The following C1GALT1 variants were observed in gnomAD, a reference collection of about 807,000 sequenced individuals.
C1GALT1 encodes core 1 synthase, glycoprotein-N-acetylgalactosamine 3-beta-galactosyltransferase 1.
In C1GALT1, 11 loss-of-function variants were observed where a neutral mutation model predicts 31.0. The ratio of observed to expected loss-of-function variants is 0.36; its 90% CI spans 0.22 to 0.59. C1GALT1 has a LOEUF of 0.59. Ranked by LOEUF, C1GALT1 falls within the 20% of genes least tolerant of loss-of-function variation. The pLI is 0.79. For missense variants in C1GALT1, 424 were observed against 425.2 expected (o/e 1.00, Z 0.03); for synonymous variants, 175 against 143.6 (o/e 1.22, Z -1.56).
chr7:7,200,206 G>T lies in C1GALT1; in HGVS notation c.-18+17386G>T, dbSNP rs188543691. ...GTTGTTCCTTTCCATGTTTAGTGCTGCCTTCAGGAGCTCTTGTAAGGCAGG... is the reference window on the plus strand; with the variant it reads ...GTTGTTCCTTTCCATGTTTAGTGCTTCCTTCAGGAGCTCTTGTAAGGCAGG... On this transcript the variant is annotated intron_variant, in intron 1 of 3. Coordinates refer to ENST00000436587, the MANE Select transcript of C1GALT1 (RefSeq NM_020156.5). 5.2e-3 allele frequency among the ~76,000 whole-genome samples: 798 copies of T among 152,234 alleles called. 2 individuals carry two copies. Among genetic ancestry groups the T allele is most frequent in the African/African-American group, 0.018 (736 of 41,548 alleles).
At chr7:7,221,768 C>T (rs1782519592) in intron 1 of C1GALT1, among the ~76,000 whole-genome samples, 1 of 152,202 alleles carries the variant, frequency 6.6e-6, no homozygotes, top group Non-Finnish European at 1.5e-5. Flanking sequence ...GCCTGTGTTT[C>T]CTTCCTGCTG....
chr7:7,234,516 A>T lies in C1GALT1; in HGVS notation c.197A>T (p.Asn66Ile). Residue 66 changes from asparagine (N) to isoleucine (I), a missense_variant, in exon 2 of 4, where the codon AAT becomes ATT. Transcript: ENST00000436587. ...CATCTAGAAGGACAAATGAACTTCA[A>T]TGCAGATTCTAGCCAACATAAAGGT... ...QNHLEGQMNF[N>I]ADSSQHKDEN... The T allele has an allele frequency of 6.2e-7, 1 of 1,611,900 alleles. No individual in the cohort carries two copies. Among genetic ancestry groups the T allele is most frequent in the Non-Finnish European group, 8.5e-7 (1 of 1,178,072 alleles).
rs1173036435 is a variant in C1GALT1 at position 7,246,439 on chromosome 7, TTCTCAC to T, written c.*2713_*2718del. The T allele has an allele frequency of 6.6e-6, 1 of 152,192 alleles. No homozygotes were observed. The highest frequency in any genetic ancestry group is 1.9e-4 in the East Asian group (1 of 5,200). The allele number at this position is 152,192 out of a possible 1,614,324, so 9.4% of individuals were successfully genotyped here. A position where few individuals can be genotyped will look rare whatever the true frequency, so the allele number is the denominator to read the frequency against. On this transcript the variant is annotated 3_prime_UTR_variant, in exon 4 of 4. Transcript: ENST00000436587. ...TGTCACAGTGATTCTTAAACTGTGG[TTCTCAC>T]ACTTGCCCAGGATGTTGTTAAATGC... is the stretch of plus-strand genomic sequence containing the variant.
intron 1 of C1GALT1, among the ~76,000 whole-genome samples, chr7:7,219,504 T>A (rs1782409570): frequency 6.6e-6 from 1 of 152,182 alleles, no homozygotes; most frequent in African/African-American, 2.4e-5. Context: ...CTAAAACTAC[T>A]CTGAAAAAAA....
chr7:7,229,629 A>G (rs1583821105), intron 1 of C1GALT1, among the ~76,000 whole-genome samples: 2 of 152,188 alleles, frequency 1.3e-5, no homozygotes, highest in African/African-American at 4.8e-5. Context: ...AGCAAGGTCT[A>G]ATGAACTGGT....
At chr7:7,190,111 G>A (rs181322959) in intron 1 of C1GALT1, among the ~76,000 whole-genome samples, 9 of 151,920 alleles carry the variant, frequency 5.9e-5, no homozygotes, top group Non-Finnish European at 4.4e-5. Context: ...CAGTGAAGGA[G>A]ACTTGCACAG....
chr7:7,238,679 A>C lies in C1GALT1; in HGVS notation c.645A>C (p.Leu215=). The C allele has an allele frequency of 6.8e-6, 11 of 1,614,084 alleles. No homozygotes were observed. Among genetic ancestry groups the C allele is most frequent in the Non-Finnish European group, 9.3e-6 (11 of 1,179,950 alleles). Residue 215 remains leucine (L), a synonymous_variant, in exon 3 of 4, where the codon CTA becomes CTC. Coordinates refer to ENST00000436587, the MANE Select transcript of C1GALT1 (RefSeq NM_020156.5). This position sits in a 1 kb window ranked among gnomAD's most constrained non-coding sequence, Gnocchi z 5.2. The part of the protein sequence containing the change: ...GYMSGGAGYV[L]SKEALKRFVD... ...TGAGTGGAGGAGCAGGATATGTACTAAGCAAAGAAGCCTTGAAAAGATTTG... is the reference window on the plus strand; with the variant it reads ...TGAGTGGAGGAGCAGGATATGTACTCAGCAAAGAAGCCTTGAAAAGATTTG...
At chr7:7,185,719 A>G (rs946469763) in intron 1 of C1GALT1, among the ~76,000 whole-genome samples, 2 of 152,212 alleles carry the variant, frequency 1.3e-5, no homozygotes, top group African/African-American at 4.8e-5. Context: ...ACTTGATTAC[A>G]TCTGCAAAGA....
At chr7:7,179,930 C>G (rs1487850633), upstream of C1GALT1, among the ~76,000 whole-genome samples, 1 of 151,584 alleles carries the variant, frequency 6.6e-6, no homozygotes, top group African/African-American at 2.4e-5. Context: ...TAAAGCTTTC[C>G]TTGAGTCTCC....
intron 1 of C1GALT1, 165 bp from the exon 2 acceptor site, chr7:7,234,138 C>T: frequency 1.6e-6 from 1 of 607,168 alleles, no homozygotes; most frequent in Non-Finnish European, 2.9e-6. Flanking sequence ...ATGGATTTTC[C>T]ATAATGTGCT....
chr7:7,237,284 G>C (rs768311499), intron 2 of C1GALT1, among the ~76,000 whole-genome samples: 1 of 152,094 alleles, frequency 6.6e-6, no homozygotes, highest in African/African-American at 2.4e-5. Context: ...CTCTGTACCG[G>C]TGCTACTCAA....
upstream of C1GALT1, chr7:7,177,846 A>T (rs1448650956): frequency 6.5e-6 from 1 of 152,672 alleles, no homozygotes; most frequent in African/African-American, 2.4e-5. Flanking sequence ...AAGCATATTT[A>T]CATATAATCT....
chr7:7,225,927 G>T (rs1013725190), intron 1 of C1GALT1, among the ~76,000 whole-genome samples: 7 of 152,162 alleles, frequency 4.6e-5, no homozygotes, highest in Non-Finnish European at 1.0e-4. Context: ...CTATAGGTGC[G>T]AGAGTGGTGT....
At chr7:7,241,573 G>A (rs1179414837) in intron 3 of C1GALT1, among the ~76,000 whole-genome samples, 3 of 151,854 alleles carry the variant, frequency 2.0e-5, no homozygotes, top group Non-Finnish European at 4.4e-5. Flanking sequence ...TCACCTTTTA[G>A]GTCCTTTGGT....
chr7:7,175,656 C>T (rs956178442), intron 2 of C1GALT1, among the ~76,000 whole-genome samples: 1 of 152,182 alleles, frequency 6.6e-6, no homozygotes, highest in African/African-American at 2.4e-5. Context: ...TGCATCAATC[C>T]TTCAGGTAGC....
chr7:7,206,509 G>T (rs1396082894), intron 1 of C1GALT1, among the ~76,000 whole-genome samples: 1 of 151,744 alleles, frequency 6.6e-6, no homozygotes, highest in Non-Finnish European at 1.5e-5. Context: ...CCCTGTCTCT[G>T]CTAAAAATAC....
chr7:7,192,774 G>C (rs915102853), intron 1 of C1GALT1, among the ~76,000 whole-genome samples: 1 of 152,124 alleles, frequency 6.6e-6, no homozygotes, highest in Non-Finnish European at 1.5e-5. Flanking sequence ...CCCAGCAGCA[G>C]TGTAAAAGTT....
At chr7:7,176,911 A>C (rs1234785326) in intron 2 of C1GALT1, among the ~76,000 whole-genome samples, 2 of 152,220 alleles carry the variant, frequency 1.3e-5, no homozygotes, top group Admixed American at 1.3e-4. Flanking sequence ...CAATGTTGCC[A>C]GAAGGATTTC....
upstream of C1GALT1, among the ~76,000 whole-genome samples, chr7:7,180,360 A>G (rs1780556553): frequency 6.6e-6 from 1 of 152,272 alleles, no homozygotes; most frequent in African/African-American, 2.4e-5. Context: ...ATTGTGCAAA[A>G]GCCTATGGAT....
Sources: allele counts gnomAD v4.1 joint callset (sites outside exome capture counted in the v4.1 genomes callset), GRCh38; gene constraint gnomAD v4.1.1; non-coding constraint Gnocchi (gnomAD v3.1); transcripts MANE v1.5; gene names NCBI Gene and HGNC (gene_info 2026-07-23, HGNC 2026-07-21).